Variants in SLC44A1 observed in about 807,000 individuals in gnomAD.
The protein encoded by SLC44A1 is solute carrier family 44 member 1, also known as choline transporter-like protein 1.
In SLC44A1, 26 loss-of-function variants were observed where a neutral mutation model predicts 79.3. The ratio of observed to expected loss-of-function variants is 0.33; its 90% CI spans 0.24 to 0.46. The LOEUF (loss-of-function observed/expected upper bound fraction) is 0.46, where lower values mean the gene tolerates loss of function less well. SLC44A1 is among the 20% of genes least tolerant of loss of function. The pLI is 1.00. For synonymous variants in SLC44A1, 263 were observed against 286.2 expected (o/e 0.92, Z 0.82); for missense variants, 688 against 798.1 (o/e 0.86, Z 1.66).
In SLC44A1 at chr9:105,374,755, C is replaced by G. The variant is rs761376335; in HGVS notation, c.1632+20C>G. On this transcript the variant is annotated intron_variant, in intron 13 of 15. Coordinates refer to ENST00000374720, the MANE Select transcript of SLC44A1 (RefSeq NM_080546.5). ...GGCAAGGTAAAACCAAGTATTTTTT[C>G]TGCAACATACAGTAAAATTTTGCAT... 6.4e-7 allele frequency: 1 copy of G among 1,574,132 alleles called. No individual in the cohort carries two copies. Among genetic ancestry groups the G allele is most frequent in the East Asian group, 2.2e-5 (1 of 44,604 alleles).
chr9:105,370,857 T>G (rs1338464767), intron 12 of SLC44A1, among the ~76,000 whole-genome samples: 1 of 152,170 alleles, frequency 6.6e-6, no homozygotes, highest in Non-Finnish European at 1.5e-5. Context: ...CCTAGTTGAT[T>G]TAAATGGGTT....
At chr9:105,257,759 G>T (rs953407750) in intron 1 of SLC44A1, among the ~76,000 whole-genome samples, 1 of 152,176 alleles carries the variant, frequency 6.6e-6, no homozygotes, top group Non-Finnish European at 1.5e-5. Context: ...AGCAGGGAGA[G>T]GAATTCCAGT....
intron 1 of SLC44A1, among the ~76,000 whole-genome samples, chr9:105,261,885 T>C (rs912028421): frequency 2.0e-5 from 3 of 151,316 alleles, no homozygotes; most frequent in African/African-American, 7.3e-5. Flanking sequence ...GTTCAAGTGA[T>C]TCTCCTATCT....
chr9:105,392,246 A>G lies in SLC44A1; in HGVS notation c.*3190A>G. The G allele has an allele frequency of 4.1e-6, 4 of 983,788 alleles. No individual in the cohort carries two copies. The highest frequency in any genetic ancestry group is 4.8e-6 in the Non-Finnish European group (4 of 828,460). 60.9% of individuals were successfully genotyped at this position (983,788 alleles called of 1,614,324 possible). ...TAAAGTTTTTATTTTATCCTATAAG[A>G]TAATTAAGTCCTAAGTCACTACAAC... On this transcript the variant is annotated 3_prime_UTR_variant, in exon 16 of 16. Transcript: ENST00000374720.
At chr9:105,251,628 G>A (rs1588701384) in intron 1 of SLC44A1, among the ~76,000 whole-genome samples, 1 of 152,190 alleles carries the variant, frequency 6.6e-6, no homozygotes, top group Non-Finnish European at 1.5e-5. Context: ...ACCTTGTGGT[G>A]TGCTTTTCTT....
At position 105,388,954 on chromosome 9, in the gene SLC44A1, GT is replaced by G. The variant is rs1269345735; in HGVS notation, c.1951-78del. 152 of 1,066,154 alleles carry G rather than the reference GT, an allele frequency of 1.4e-4. 2 individuals are homozygous for G. In the East Asian group the frequency reaches 3.4e-3, roughly 24 times the overall value. The allele number at this position is 1,066,154 out of a possible 1,614,324, so 66.0% of individuals were successfully genotyped here. ...GCTGTCTTGCTGTTTGTGACCATGT[GT>G]ATATTTGTAACATCATTCATGATCT... On this transcript the variant is annotated intron_variant, in intron 15 of 15. Coordinates refer to ENST00000374720, the MANE Select transcript of SLC44A1 (RefSeq NM_080546.5).
At chr9:105,361,166 T>C in intron 7 of SLC44A1, 25 bp from the exon 8 acceptor site, 1 of 1,611,106 alleles carries the variant, frequency 6.2e-7, no homozygotes, top group Non-Finnish European at 8.5e-7. Flanking sequence ...ATTATTGCAT[T>C]AACAGTTGGG....
chr9:105,405,165 C>CA (rs771002506), intron 15 of SLC44A1, among the ~76,000 whole-genome samples: 5 of 151,908 alleles, frequency 3.3e-5, no homozygotes, highest in Admixed American at 6.6e-5. Flanking sequence ...ACTAAAAATA[C>CA]AAAAAATTAG....
chr9:105,397,044 T>C lies in SLC44A1; in HGVS notation c.*7988T>C. 1 of 985,096 alleles carries C rather than the reference T, an allele frequency of 1.0e-6. No homozygotes were observed. The highest frequency in any genetic ancestry group is 4.7e-5 in the South Asian group (1 of 21,270). 61.0% of individuals were successfully genotyped at this position (985,096 alleles called of 1,614,324 possible). A position where few individuals can be genotyped will look rare whatever the true frequency, so the allele number is the denominator to read the frequency against. ...TTATGCTCTCAGAGGACTTTAAAAATATGTATATTAAGCAATTAACTTTCT... is the reference window on the plus strand; with the variant it reads ...TTATGCTCTCAGAGGACTTTAAAAACATGTATATTAAGCAATTAACTTTCT... On this transcript the variant is annotated 3_prime_UTR_variant, in exon 16 of 16. Transcript: ENST00000374720.
rs959559553 is a variant in SLC44A1, at chr9:105,390,517, A to G, written c.*1461A>G. On this transcript the variant is annotated 3_prime_UTR_variant, in exon 16 of 16. Transcript: ENST00000374720. ...AAAGAAAGCATTGCCTCCTACCAGA[A>G]CTAGACAGTGAATTAGATCGGTATT... 1.0e-6 allele frequency: 1 copy of G among 985,538 alleles called. No homozygotes were observed. The highest frequency in any genetic ancestry group is 6.2e-5 in the Admixed American group (1 of 16,224). 61.0% of individuals were successfully genotyped at this position (985,538 alleles called of 1,614,324 possible).
intron 2 of SLC44A1, among the ~76,000 whole-genome samples, chr9:105,303,059 G>C (rs1406998589): frequency 3.3e-5 from 5 of 152,146 alleles, no homozygotes; most frequent in Non-Finnish European, 4.4e-5. Flanking sequence ...ATGACTAAGA[G>C]GTTCTTGTGT....
chr9:105,321,356 G>GT (rs1445837100), intron 3 of SLC44A1, among the ~76,000 whole-genome samples: 2 of 152,064 alleles, frequency 1.3e-5, no homozygotes, highest in African/African-American at 4.8e-5. Context: ...TGCCACCTTT[G>GT]TCAAAAATAG....
At chr9:105,411,887 C>T (rs563952905) in intron 15 of SLC44A1, among the ~76,000 whole-genome samples, 25 of 152,290 alleles carry the variant, frequency 1.6e-4, no homozygotes, top group South Asian at 6.2e-4. Context: ...TAAGGTGGAT[C>T]TTCCTGGTCT....
intron 15 of SLC44A1, among the ~76,000 whole-genome samples, chr9:105,412,768 A>G (rs1564056021): frequency 6.6e-6 from 1 of 151,782 alleles, no homozygotes; most frequent in Non-Finnish European, 1.5e-5. Flanking sequence ...CGCCCGGCTA[A>G]TTTTTTTGTA....
intron 1 of SLC44A1, among the ~76,000 whole-genome samples, chr9:105,266,422 T>C (rs564817073): frequency 3.3e-5 from 5 of 152,374 alleles, no homozygotes; most frequent in African/African-American, 1.2e-4. Context: ...TGTTTTATTC[T>C]AAAATTTTCT....
Position 105,389,940 on chromosome 9 carries a change from A to C in SLC44A1, c.*884A>C. 1.3e-6 allele frequency: 2 copies of C among 1,510,926 alleles called. No individual in the cohort carries two copies. The allele number at this position is 1,510,926 out of a possible 1,614,324, so 93.6% of individuals were successfully genotyped here. A position where few individuals can be genotyped will look rare whatever the true frequency, so the allele number is the denominator to read the frequency against. On this transcript the variant is annotated 3_prime_UTR_variant, in exon 16 of 16. Coordinates refer to ENST00000374720, the MANE Select transcript of SLC44A1 (RefSeq NM_080546.5). The stretch of plus-strand genomic sequence containing the variant: ...CTGGGAGGAATAAAGAAGGGACAGA[A>C]ACATGGAACATAAAGCATTGAAAAT...
chr9:105,336,178 C>T (rs1172024414), intron 4 of SLC44A1, among the ~76,000 whole-genome samples: 1 of 149,586 alleles, frequency 6.7e-6, no homozygotes, highest in Non-Finnish European at 1.5e-5. Flanking sequence ...CCCTGGTTAG[C>T]AATGTAACAT....
intron 1 of SLC44A1, among the ~76,000 whole-genome samples, chr9:105,283,456 C>G (rs1830405170): frequency 6.6e-6 from 1 of 152,160 alleles, no homozygotes; most frequent in Non-Finnish European, 1.5e-5. Flanking sequence ...CCACAAAGCT[C>G]TGGGGCTTTG....
rs545146621 is a variant in SLC44A1, at chr9:105,390,110, G to C, written c.*1054G>C. On this transcript the variant is annotated 3_prime_UTR_variant, in exon 16 of 16. Transcript: ENST00000374720. The stretch of plus-strand genomic sequence containing the variant: ...ATTCATTGAGTATCCAGAGTTCTAC[G>C]ATGTTTAACTGAAGAATTGGCTAAT... The C allele has an allele frequency of 4.8e-6, 6 of 1,251,412 alleles. No individual in the cohort carries two copies. The highest frequency in any genetic ancestry group is 6.1e-6 in the Non-Finnish European group (6 of 991,218). The allele number at this position is 1,251,412 out of a possible 1,614,324, so 77.5% of individuals were successfully genotyped here. A position where few individuals can be genotyped will look rare whatever the true frequency, so the allele number is the denominator to read the frequency against.
Sources: gnomAD v4.1 joint callset for allele counts (sites outside exome capture counted in the v4.1 genomes callset) on GRCh38, gnomAD v4.1.1 for gene constraint, MANE v1.5 for transcripts, NCBI Gene and HGNC (gene_info 2026-07-23, HGNC 2026-07-21) for gene names.